MEF2A: variants seen among roughly 807,000 people sequenced by gnomAD.
MEF2A encodes the protein myocyte enhancer factor 2A.
A neutral mutation model predicts 55.8 loss-of-function variants in MEF2A; 28 were observed. The observed-to-expected ratio is 0.50, with a 90% CI of 0.37 to 0.69. The LOEUF (loss-of-function observed/expected upper bound fraction) is 0.69. Ranked by LOEUF, MEF2A falls within the 30% of genes least tolerant of loss-of-function variation. The probability of loss-of-function intolerance (pLI) is 0.00; values close to 1 mark genes in which losing one functional copy is unlikely to be tolerated. For missense variants in MEF2A, 528 were observed against 626.2 expected (o/e 0.84, Z 1.67); for synonymous variants, 239 against 227.1 (o/e 1.05, Z -0.47).
At chr15:99,655,034 C>A (rs1330275984) in intron 4 of MEF2A, among the ~76,000 whole-genome samples, 4 of 152,066 alleles carry the variant, frequency 2.6e-5, no homozygotes, top group Non-Finnish European at 5.9e-5. Context: ...TCTCCATCTC[C>A]CACTCTGAAA....
chr15:99,715,869 A>G lies in MEF2A; in HGVS notation c.*3098A>G, dbSNP rs2059103045. The G allele has an allele frequency of 6.6e-6, 1 of 152,284 alleles. No individual in the cohort carries two copies. The highest frequency in any genetic ancestry group is 2.1e-4 in the South Asian group (1 of 4,836). The allele number at this position is 152,284 out of a possible 1,614,324, so 9.4% of individuals were successfully genotyped here. A position where few individuals can be genotyped will look rare whatever the true frequency, so the allele number is the denominator to read the frequency against. The stretch of plus-strand genomic sequence containing the variant: ...CACAGGTGGTCCCAATCAAAACTCC[A>G]TCTTTTGAGCCCAATTATGTCCATT... On this transcript the variant is annotated 3_prime_UTR_variant, in exon 12 of 12. Coordinates refer to ENST00000557942, the MANE Select transcript of MEF2A (RefSeq NM_001319206.4).
intron 5 of MEF2A, among the ~76,000 whole-genome samples, chr15:99,674,009 T>C (rs934754265): frequency 1.3e-5 from 2 of 152,176 alleles, no homozygotes; most frequent in Non-Finnish European, 2.9e-5. Flanking sequence ...TCAGTAGAAA[T>C]GTAATGTTAT....
rs1452114879 is a variant in MEF2A at position 99,715,099 on chromosome 15, A to G, written c.*2328A>G. Reference sequence around the variant, plus strand: ...ATGTACTTACTTTACTGAACTACTTACAGGCACATTTCTTCATAAGGCCAC... The same window carrying G: ...ATGTACTTACTTTACTGAACTACTTGCAGGCACATTTCTTCATAAGGCCAC... On this transcript the variant is annotated 3_prime_UTR_variant, in exon 12 of 12. Transcript: ENST00000557942. The G allele has an allele frequency of 2.0e-5, 3 of 152,226 alleles. No individual in the cohort carries two copies. The highest frequency in any genetic ancestry group is 4.4e-5 in the Non-Finnish European group (3 of 68,050). 9.4% of individuals were successfully genotyped at this position (152,226 alleles called of 1,614,324 possible).
chr15:99,703,306 T>G, intron 8 of MEF2A, 56 bp from the exon 9 acceptor site: 3 of 1,578,336 alleles, frequency 1.9e-6, no homozygotes, highest in Non-Finnish European at 2.6e-6. Flanking sequence ...AATATTTTGT[T>G]TGTGAGTACC....
chr15:99,583,853 T>C (rs1966612423), intron 1 of MEF2A, among the ~76,000 whole-genome samples: 1 of 152,156 alleles, frequency 6.6e-6, no homozygotes, highest in Non-Finnish European at 1.5e-5. Flanking sequence ...ATGAGTCACT[T>C]AATGACAGGG....
chr15:99,646,887 T>C (rs1390406268), intron 4 of MEF2A, among the ~76,000 whole-genome samples: 2 of 152,146 alleles, frequency 1.3e-5, no homozygotes, highest in African/African-American at 4.8e-5. Flanking sequence ...AGTCATTTTT[T>C]CAAATGAGAA....
At chr15:99,656,951 A>G (rs187454028) in intron 4 of MEF2A, among the ~76,000 whole-genome samples, 60 of 152,170 alleles carry the variant, frequency 3.9e-4, no homozygotes, top group Non-Finnish European at 2.8e-4. Context: ...CCCATTAGCA[A>G]TCACTTACCA....
At chr15:99,579,058 G>C (rs1299469586) in intron 1 of MEF2A, among the ~76,000 whole-genome samples, 1 of 152,166 alleles carries the variant, frequency 6.6e-6, no homozygotes, top group Non-Finnish European at 1.5e-5. Flanking sequence ...ATGACCTGTG[G>C]TAGCTCATTT....
At chr15:99,677,213 C>T (rs1401278008) in intron 7 of MEF2A, among the ~76,000 whole-genome samples, 1 of 152,076 alleles carries the variant, frequency 6.6e-6, no homozygotes, top group East Asian at 1.9e-4. Context: ...TAGGCACACA[C>T]ACAAATAAAG....
chr15:99,661,729 C>G (rs2048674760), intron 4 of MEF2A, among the ~76,000 whole-genome samples: 1 of 151,808 alleles, frequency 6.6e-6, no homozygotes, highest in South Asian at 2.1e-4. Context: ...TTGGCATTAT[C>G]TAGTATAACT....
At chr15:99,684,843 T>C (rs923312412) in intron 7 of MEF2A, among the ~76,000 whole-genome samples, 3 of 152,248 alleles carry the variant, frequency 2.0e-5, no homozygotes, top group African/African-American at 7.2e-5. Context: ...TTTAAGTCTT[T>C]GATTCATCTT....
At chr15:99,632,504 G>T (rs2043106960) in intron 2 of MEF2A, among the ~76,000 whole-genome samples, 1 of 152,160 alleles carries the variant, frequency 6.6e-6, no homozygotes, top group African/African-American at 2.4e-5. Flanking sequence ...GAACAGAAGT[G>T]CTGGAACCAG....
At chr15:99,681,479 T>G (rs1032125004) in intron 7 of MEF2A, among the ~76,000 whole-genome samples, 6 of 152,206 alleles carry the variant, frequency 3.9e-5, no homozygotes, top group South Asian at 2.1e-4. Context: ...GAAACCCAGT[T>G]TTCAGTCATT....
intron 5 of MEF2A, 121 bp from the exon 6 acceptor site, chr15:99,674,272 G>T: frequency 1.2e-6 from 1 of 822,656 alleles, no homozygotes; most frequent in Non-Finnish European, 1.9e-6. Context: ...AATTGGTTAA[G>T]AACCTATCCC....
At chr15:99,665,746 A>AAAAAAAAAAAC (rs2049530813) in intron 4 of MEF2A, among the ~76,000 whole-genome samples, 2 of 150,386 alleles carry the variant, frequency 1.3e-5, no homozygotes, top group Non-Finnish European at 3.0e-5. Flanking sequence ...AAAAAAAAAA[A>AAAAAAAAAAAC]AAAAAAAAAG....
At chr15:99,610,007 A>AT (rs1425926520) in intron 2 of MEF2A, among the ~76,000 whole-genome samples, 6 of 151,770 alleles carry the variant, frequency 4.0e-5, no homozygotes, top group South Asian at 4.2e-4. Context: ...ACTTAGATCA[A>AT]TTTTTTTTCA....
chr15:99,645,959 A>G (rs943021999), intron 4 of MEF2A, 195 bp downstream of exon 4: 6 of 438,866 alleles, frequency 1.4e-5, no homozygotes, highest in Admixed American at 7.6e-5. Flanking sequence ...ATTCATTCAG[A>G]CAAAGTAAAC....
chr15:99,593,399 T>C (rs1970028225), intron 1 of MEF2A, among the ~76,000 whole-genome samples: 1 of 152,204 alleles, frequency 6.6e-6, no homozygotes, highest in Non-Finnish European at 1.5e-5. Context: ...ATATATTTTA[T>C]CAGTTTTCTA....
chr15:99,688,712 G>A (rs1387313010), intron 7 of MEF2A, among the ~76,000 whole-genome samples: 3 of 152,144 alleles, frequency 2.0e-5, no homozygotes, highest in Admixed American at 6.5e-5. Context: ...AGCCGAGATC[G>A]CGCTGCTGCA....
Sources: gnomAD v4.1 joint callset for allele counts (sites outside exome capture counted in the v4.1 genomes callset) on GRCh38, gnomAD v4.1.1 for gene constraint, MANE v1.5 for transcripts, NCBI Gene and HGNC (gene_info 2026-07-23, HGNC 2026-07-21) for gene names.